TRMT11: variants seen among roughly 807,000 people sequenced by gnomAD.
The protein encoded by TRMT11 is tRNA (guanine(10)-N(2))-methyltransferase TRMT11.
TRMT11 carries 53 observed loss-of-function variants against 62.8 expected under a neutral mutation model. The ratio of observed to expected loss-of-function variants is 0.84; its 90% CI spans 0.68 to 1.06. The LOEUF is 1.06. Among genes scored for constraint, TRMT11 ranks in the 50% least tolerant of loss-of-function variants. TRMT11 has a pLI of 0.00. For missense variants in TRMT11, 556 were observed against 553.4 expected, an observed-to-expected ratio of 1.00 and a Z score of -0.05; for synonymous variants, 188 against 190.3, an observed-to-expected ratio of 0.99 and a Z score of 0.10.
intron 12 of TRMT11, among the ~76,000 whole-genome samples, chr6:126,021,607 AC>A (rs2127991229): frequency 6.6e-6 from 1 of 152,348 alleles, no homozygotes; most frequent in South Asian, 2.1e-4. Context: ...TGTCCTAGTT[AC>A]CATTTTTCTC....
chr6:126,171,439 A>G (rs1285290991), intron 21 of TRMT11, among the ~76,000 whole-genome samples: 1 of 152,060 alleles, frequency 6.6e-6, no homozygotes. Context: ...TGTTGACTGG[A>G]TACTCACAAT....
At chr6:126,245,424 A>G in the TRMT11 span, among the ~76,000 whole-genome samples, 7 of 152,360 alleles carry the variant, frequency 4.6e-5, no homozygotes, top group Admixed American at 1.3e-4. Flanking sequence ...AAAAGTTATT[A>G]TAATTGAATT....
chr6:126,015,817 G>A (rs184541563), intron 11 of TRMT11, among the ~76,000 whole-genome samples: 3 of 152,144 alleles, frequency 2.0e-5, no homozygotes, highest in South Asian at 4.1e-4. Context: ...TGGAAGTTTT[G>A]TAGAGGACAT....
chr6:126,263,138 G>A, the TRMT11 span, among the ~76,000 whole-genome samples: 1 of 151,906 alleles, frequency 6.6e-6, no homozygotes, highest in African/African-American at 2.4e-5. Context: ...ATTATGTTCA[G>A]CTCAGTTGCC....
the TRMT11 span, among the ~76,000 whole-genome samples, chr6:126,223,536 C>T: frequency 6.6e-6 from 1 of 152,188 alleles, no homozygotes; most frequent in African/African-American, 2.4e-5. Context: ...CCACTGTTAG[C>T]CTGATGGTGT....
chr6:126,114,928 C>T (rs935635655), intron 19 of TRMT11, among the ~76,000 whole-genome samples: 1 of 151,894 alleles, frequency 6.6e-6, no homozygotes, highest in Non-Finnish European at 1.5e-5. Flanking sequence ...TATAAGTCAC[C>T]CTGGGCACCG....
chr6:126,179,438 G>A (rs1205846715), intron 1 of TRMT11, among the ~76,000 whole-genome samples: 2 of 152,100 alleles, frequency 1.3e-5, no homozygotes, highest in Non-Finnish European at 2.9e-5. Flanking sequence ...TACTCTTACT[G>A]TACCAAATCA....
At chr6:125,993,931 C>A in intron 2 of TRMT11, 109 bp downstream of exon 2, 1 of 610,398 alleles carries the variant, frequency 1.6e-6, no homozygotes, top group Non-Finnish European at 2.7e-6. Context: ...TTACTTGTAT[C>A]TGTTTCAAGA....
At chr6:126,006,252 A>T (rs1406324315) in intron 7 of TRMT11, among the ~76,000 whole-genome samples, 1 of 151,898 alleles carries the variant, frequency 6.6e-6, no homozygotes, top group African/African-American at 2.4e-5. Context: ...TTCTTTTTTT[A>T]AAAAAGATAA....
chr6:126,208,284 A>T (rs1213246544), downstream of TRMT11, among the ~76,000 whole-genome samples: 2 of 152,206 alleles, frequency 1.3e-5, no homozygotes, highest in African/African-American at 2.4e-5. Flanking sequence ...TTCTTAGGAG[A>T]CAATCTCAGC....
intron 21 of TRMT11, among the ~76,000 whole-genome samples, chr6:126,140,529 G>C (rs1777905721): frequency 6.6e-6 from 1 of 151,948 alleles, no homozygotes; most frequent in South Asian, 2.1e-4. Flanking sequence ...TTTTCTGTTA[G>C]CTTAATGTAT....
At chr6:126,153,706 A>G (rs994177264) in intron 21 of TRMT11, among the ~76,000 whole-genome samples, 1 of 152,230 alleles carries the variant, frequency 6.6e-6, no homozygotes, top group Non-Finnish European at 1.5e-5. Flanking sequence ...ACATAACCAC[A>G]TCACAGATAA....
intron 11 of TRMT11, among the ~76,000 whole-genome samples, chr6:126,019,734 G>A (rs772456239): frequency 3.9e-5 from 6 of 151,988 alleles, no homozygotes; most frequent in Non-Finnish European, 7.4e-5. Flanking sequence ...TCTTTCTACT[G>A]TACTCCAGCC....
chr6:126,103,809 G>A (rs1777431485), intron 17 of TRMT11, among the ~76,000 whole-genome samples: 1 of 152,170 alleles, frequency 6.6e-6, no homozygotes, highest in South Asian at 2.1e-4. Flanking sequence ...GTAAGATGGA[G>A]TCTTACATAA....
intron 17 of TRMT11, among the ~76,000 whole-genome samples, chr6:126,071,656 T>C: frequency 7.2e-6 from 1 of 138,366 alleles, no homozygotes; most frequent in Non-Finnish European, 1.6e-5. Context: ...TTTGCTTTGC[T>C]TTTTTTTTTT....
chr6:126,007,980 A>C (rs754866969), intron 7 of TRMT11, among the ~76,000 whole-genome samples: 2 of 152,002 alleles, frequency 1.3e-5, no homozygotes, highest in African/African-American at 2.4e-5. Context: ...CTCTGACTTC[A>C]GTGGGAATTG....
At chr6:126,203,361 C>A (rs1266744091), downstream of TRMT11, among the ~76,000 whole-genome samples, 1 of 152,052 alleles carries the variant, frequency 6.6e-6, no homozygotes, top group African/African-American at 2.4e-5. Flanking sequence ...TTTTTCCAAC[C>A]ACTTAAAAAG....
intron 17 of TRMT11, among the ~76,000 whole-genome samples, chr6:126,073,599 A>G (rs1188258836): frequency 6.6e-6 from 1 of 152,130 alleles, no homozygotes; most frequent in Non-Finnish European, 1.5e-5. Flanking sequence ...CAAACAATTC[A>G]TGTGACATGA....
In TRMT11 at chr6:126,117,009, C is replaced by T. The variant is rs184351888; in HGVS notation, c.*1823+1154C>T. Among the ~76,000 whole-genome samples, 24 of 152,174 alleles carry T rather than the reference C, an allele frequency of 1.6e-4. 1 individual carries two copies. The highest frequency in any genetic ancestry group is 1.2e-3 in the Admixed American group (19 of 15,262). On this transcript the variant is annotated intron_variant and NMD_transcript_variant, in intron 21 of 22. Coordinates refer to the TRMT11 transcript ENST00000648977. ...CAATGTAAAGAAAAACTAGGCCTTG[C>T]TAAGATGAAGTACCCAGGATCAACT...
Sources: gnomAD v4.1 joint callset for allele counts (sites outside exome capture counted in the v4.1 genomes callset) on GRCh38, gnomAD v4.1.1 for gene constraint, MANE v1.5 for transcripts, NCBI Gene and HGNC (gene_info 2026-07-23, HGNC 2026-07-21) for gene names.